COL9A1: variants seen among roughly 807,000 people sequenced by gnomAD.
The protein encoded by COL9A1 is collagen type IX alpha 1 chain.
A neutral mutation model predicts 142.6 loss-of-function variants in COL9A1; 104 were observed. The ratio of observed to expected loss-of-function variants is 0.73; its 90% CI spans 0.62 to 0.86. The LOEUF is 0.86. Ranked by LOEUF, COL9A1 falls within the 40% of genes least tolerant of loss-of-function variation. COL9A1 has a pLI of 0.00. For missense variants in COL9A1, 1,210 were observed against 1,176.6 expected (o/e 1.03, Z -0.42); for synonymous variants, 466 against 396.0 (o/e 1.18, Z -2.10).
intron 4 of COL9A1, among the ~76,000 whole-genome samples, chr6:70,297,631 A>G (rs1773892163): frequency 6.6e-6 from 1 of 152,186 alleles, no homozygotes; most frequent in African/African-American, 2.4e-5. Context: ...AAGGAGCTGT[A>G]TCTATAAATG....
At chr6:70,270,053 A>C (rs1331802971) in intron 15 of COL9A1, among the ~76,000 whole-genome samples, 2 of 152,228 alleles carry the variant, frequency 1.3e-5, no homozygotes, top group Non-Finnish European at 2.9e-5. Flanking sequence ...AGTTTTGAGC[A>C]TTTGAGACAT....
intron 33 of COL9A1, among the ~76,000 whole-genome samples, chr6:70,236,536 A>T (rs934091433): frequency 6.6e-6 from 1 of 152,226 alleles, no homozygotes; most frequent in Non-Finnish European, 1.5e-5. Context: ...TGCATCATTT[A>T]TCTAGAAAAA....
rs760892547 is a variant in COL9A1 at position 70,254,549 on chromosome 6, C to G, written c.1666-20G>C. 1 of 1,613,360 alleles carries G rather than the reference C, an allele frequency of 6.2e-7. No homozygotes were observed. On this transcript the variant is annotated intron_variant, in intron 24 of 37. Transcript: ENST00000357250. ...TTCACCCTGCAAAAAAAGCTTTTAT[C>G]ACATGATTGAACCTGTATGAGCTGC...
intron 36 of COL9A1, among the ~76,000 whole-genome samples, chr6:70,230,624 G>T (rs1200859723): frequency 2.0e-5 from 3 of 152,170 alleles, no homozygotes. Flanking sequence ...AGGTTCATCT[G>T]CTAGAGCCAA....
downstream of COL9A1, chr6:70,216,002 A>G (rs988791118): frequency 2.6e-5 from 4 of 152,238 alleles, no homozygotes; most frequent in Non-Finnish European, 4.4e-5. Flanking sequence ...TTATGTAGAA[A>G]AAACACTAAT....
intron 2 of COL9A1, among the ~76,000 whole-genome samples, chr6:70,301,722 C>T (rs1048038839): frequency 1.3e-5 from 2 of 152,216 alleles, no homozygotes; most frequent in Admixed American, 6.5e-5. Flanking sequence ...ATTCACCCAA[C>T]ATTTACCAAT....
chr6:70,280,728 T>C (rs1172506928), intron 10 of COL9A1, 84 bp downstream of exon 10: 1 of 1,456,868 alleles, frequency 6.9e-7, no homozygotes. Flanking sequence ...TTTCTCTCTC[T>C]CCCTCCCCCC....
At chr6:70,287,090 G>A (rs73747739) in intron 5 of COL9A1, among the ~76,000 whole-genome samples, 2,091 of 152,086 alleles carry the variant, frequency 0.014, 32 homozygotes, top group African/African-American at 0.046. Flanking sequence ...CATATAACAC[G>A]CGCATATATG....
chr6:70,300,521 T>C (rs979103004), intron 2 of COL9A1, 135 bp from the exon 3 acceptor site: 14 of 364,554 alleles, frequency 3.8e-5, no homozygotes, highest in African/African-American at 2.8e-4. Flanking sequence ...AAAAAAAAGA[T>C]TTCAGGATGT....
At chr6:70,262,366 T>G (rs1197180791) in intron 19 of COL9A1, among the ~76,000 whole-genome samples, 2 of 152,174 alleles carry the variant, frequency 1.3e-5, no homozygotes, top group African/African-American at 4.8e-5. Flanking sequence ...CTGACTTACT[T>G]CCTTTAACTT....
At chr6:70,242,116 G>A (rs1770296390) in intron 29 of COL9A1, 81 bp from the exon 30 acceptor site, 1 of 1,186,760 alleles carries the variant, frequency 8.4e-7, no homozygotes, top group African/African-American at 1.5e-5. Context: ...CCTTGGGTGT[G>A]TTGACTTGTG....
At chr6:70,220,575 A>G (rs918250612) in intron 37 of COL9A1, among the ~76,000 whole-genome samples, 1 of 149,060 alleles carries the variant, frequency 6.7e-6, no homozygotes, top group African/African-American at 2.6e-5. Context: ...AGAAAAAAAA[A>G]CAGCCTTAAC....
At position 70,270,517 on chromosome 6, in the gene COL9A1, G is replaced by A. The variant is rs192162745; in HGVS notation, c.1144-150C>T. The A allele has an allele frequency of 7.5e-5, 41 of 544,940 alleles. 1 individual carries two copies. The highest frequency in any genetic ancestry group is 2.4e-4 in the Admixed American group (7 of 28,710). The allele number at this position is 544,940 out of a possible 1,614,324, so 33.8% of individuals were successfully genotyped here. A position where few individuals can be genotyped will look rare whatever the true frequency, so the allele number is the denominator to read the frequency against. The stretch of plus-strand genomic sequence containing the variant: ...TGCCACCAAAATCGATGGGTGGCCC[G>A]TAATCCAATTAGTTCTACAAAATGA... On this transcript the variant is annotated intron_variant, in intron 14 of 37. Transcript: ENST00000357250.
chr6:70,270,432 G>T lies in COL9A1; in HGVS notation c.1144-65C>A, dbSNP rs1772322467. On this transcript the variant is annotated intron_variant, in intron 14 of 37. Coordinates refer to ENST00000357250, the MANE Select transcript of COL9A1 (RefSeq NM_001851.6). Reference sequence around the variant, plus strand: ...TGTCAAAACACAGTACATAAAACCAGTGAGGCATAAGAGAATGGTATTACT... The same window carrying T: ...TGTCAAAACACAGTACATAAAACCATTGAGGCATAAGAGAATGGTATTACT... The T allele has an allele frequency of 4.1e-6, 6 of 1,476,818 alleles. No homozygotes were observed. The Middle Eastern group carries it at 5.2e-4, about 128-fold the overall frequency. 91.5% of individuals were successfully genotyped at this position (1,476,818 alleles called of 1,614,324 possible). A position where few individuals can be genotyped will look rare whatever the true frequency, so the allele number is the denominator to read the frequency against.
intron 5 of COL9A1, among the ~76,000 whole-genome samples, chr6:70,292,136 C>T (rs1010873180): frequency 3.9e-5 from 6 of 152,168 alleles, no homozygotes; most frequent in African/African-American, 1.4e-4. Flanking sequence ...TTCACATTGT[C>T]ACTTCCAGTT....
chr6:70,286,989 A>C (rs967770380), intron 5 of COL9A1, among the ~76,000 whole-genome samples: 1 of 152,372 alleles, frequency 6.6e-6, no homozygotes, highest in Middle Eastern at 3.4e-3. Context: ...CATATAAGGC[A>C]GTATCTAAGC....
chr6:70,270,464 C>T, intron 14 of COL9A1, 97 bp from the exon 15 acceptor site: 2 of 1,129,572 alleles, frequency 1.8e-6, no homozygotes, highest in Non-Finnish European at 2.6e-6. Context: ...TACTGGAAAC[C>T]CCCACCGAGC....
At chr6:70,297,223 A>T (rs1454615166) in intron 4 of COL9A1, among the ~76,000 whole-genome samples, 2 of 152,134 alleles carry the variant, frequency 1.3e-5, no homozygotes, top group Admixed American at 6.5e-5. Context: ...TAATTAATTT[A>T]AAATGATGGA....
intron 17 of COL9A1, among the ~76,000 whole-genome samples, chr6:70,267,203 C>T (rs992156136): frequency 6.6e-6 from 1 of 152,172 alleles, no homozygotes; most frequent in African/African-American, 2.4e-5. Context: ...AACCCTTCGG[C>T]CTCCTCCATT....
Sources: allele counts gnomAD v4.1 joint callset (sites outside exome capture counted in the v4.1 genomes callset), GRCh38; gene constraint gnomAD v4.1.1; transcripts MANE v1.5; gene names NCBI Gene and HGNC (gene_info 2026-07-23, HGNC 2026-07-21).